Variants in SLIT2 observed in about 807,000 individuals in gnomAD.
The protein encoded by SLIT2 is slit homolog 2 protein.
A neutral mutation model predicts 185.7 loss-of-function variants in SLIT2; 41 were observed. That is an observed-to-expected ratio of 0.22 (90% CI 0.17 to 0.29). SLIT2 has a LOEUF of 0.29. Ranked by LOEUF, SLIT2 falls within the 10% of genes least tolerant of loss-of-function variation. SLIT2 has a pLI of 1.00. For synonymous variants in SLIT2, 693 were observed against 680.2 expected (o/e 1.02, Z -0.29); for missense variants, 1,571 against 1,909.0 (o/e 0.82, Z 3.30).
At chr4:20,486,151 C>A in intron 6 of SLIT2, 49 bp from the exon 7 acceptor site, 3 of 1,103,762 alleles carry the variant, frequency 2.7e-6, no homozygotes, top group South Asian at 2.5e-5. Context: ...ATAAAATGAT[C>A]AATCAATTTT....
chr4:20,375,778 T>C (rs1239859855), intron 4 of SLIT2, among the ~76,000 whole-genome samples: 1 of 152,040 alleles, frequency 6.6e-6, no homozygotes, highest in Non-Finnish European at 1.5e-5. Context: ...TTTTATACTT[T>C]GTAGATGTCT....
At chr4:20,472,524 C>CGATATATCTATATAGA (rs1553908726) in intron 5 of SLIT2, among the ~76,000 whole-genome samples, 1 of 7,750 alleles carries the variant, frequency 1.3e-4, no homozygotes, top group Non-Finnish European at 2.0e-4. Flanking sequence ...AGATATATAT[C>CGATATATCTATATAGA]TATATATAGA....
intron 4 of SLIT2, among the ~76,000 whole-genome samples, chr4:20,459,557 T>C (rs771617846): frequency 1.2e-4 from 18 of 152,184 alleles, no homozygotes; most frequent in Non-Finnish European, 1.5e-4. Context: ...AGGAGATTTA[T>C]GTATGCAGCG....
At chr4:20,437,819 G>A (rs1280671960) in intron 4 of SLIT2, among the ~76,000 whole-genome samples, 1 of 149,570 alleles carries the variant, frequency 6.7e-6, no homozygotes, top group East Asian at 2.0e-4. Flanking sequence ...GGAGGTTGAG[G>A]CAGGAGAATG....
chr4:20,355,458 A>G (rs1264819711), intron 4 of SLIT2, among the ~76,000 whole-genome samples: 1 of 152,208 alleles, frequency 6.6e-6, no homozygotes, highest in Non-Finnish European at 1.5e-5. Flanking sequence ...CATTAGTAGA[A>G]TTCTTTCCAA....
intron 4 of SLIT2, among the ~76,000 whole-genome samples, chr4:20,298,295 G>A (rs1481047458): frequency 1.3e-5 from 2 of 151,942 alleles, no homozygotes; most frequent in African/African-American, 4.8e-5. Flanking sequence ...CTCCTTGTTG[G>A]TCAGGCTGGT....
chr4:20,257,733 T>A (rs1711994842), intron 2 of SLIT2, 135 bp from the exon 3 acceptor site: 1 of 649,778 alleles, frequency 1.5e-6, no homozygotes, highest in Non-Finnish European at 2.8e-6. Flanking sequence ...TTATTAAATT[T>A]GATATTGGAT....
chr4:20,319,595 G>T (rs369232290), intron 4 of SLIT2, among the ~76,000 whole-genome samples: 28 of 152,136 alleles, frequency 1.8e-4, no homozygotes, highest in African/African-American at 6.7e-4. Context: ...TGGCTTTTAA[G>T]TAATTCCAGT....
chr4:20,518,256 T>TATA lies in SLIT2; in HGVS notation c.1059-1126_1059-1125insATA, dbSNP rs200572190. On this transcript the variant is annotated intron_variant, in intron 11 of 36. Transcript: ENST00000504154. The stretch of plus-strand genomic sequence containing the variant: ...GTGTGTGTGTATATATATATATATA[T>TATA]TTTTTTTTTTTTTTGAGACAGAGTC... Among the ~76,000 whole-genome samples the TATA allele has an allele frequency of 5.6e-3, 610 of 109,380 alleles. 16 individuals are homozygous for TATA. Among genetic ancestry groups the TATA allele is most frequent in the East Asian group, 0.02 (76 of 3,828 alleles). 71.8% of individuals were successfully genotyped at this position (109,380 alleles called of 152,430 possible).
At chr4:20,405,960 G>A (rs1726748237) in intron 4 of SLIT2, among the ~76,000 whole-genome samples, 1 of 107,432 alleles carries the variant, frequency 9.3e-6, no homozygotes, top group Non-Finnish European at 2.3e-5. Flanking sequence ...TTAGTAAGAA[G>A]TTGGGCACTG....
intron 1 of SLIT2, among the ~76,000 whole-genome samples, chr4:20,255,830 T>C (rs570207915): frequency 7.2e-5 from 11 of 152,244 alleles, no homozygotes; most frequent in Non-Finnish European, 1.0e-4. Context: ...ATTTCAAACA[T>C]GATGTTGTAG....
intron 4 of SLIT2, among the ~76,000 whole-genome samples, chr4:20,280,833 G>GTTTTTTTTTTTTTT (rs34477780): frequency 7.7e-5 from 10 of 130,648 alleles, no homozygotes; most frequent in African/African-American, 2.7e-4. Flanking sequence ...TTAAAAAAAT[G>GTTTTTTTTTTTTTT]TTTTTTTTTT....
intron 4 of SLIT2, among the ~76,000 whole-genome samples, chr4:20,430,872 T>G (rs866571469): frequency 6.6e-6 from 1 of 152,198 alleles, no homozygotes; most frequent in Admixed American, 6.5e-5. Context: ...AGGCTCTACA[T>G]TGAGATCCAT....
chr4:20,406,574 G>C (rs559753579), intron 4 of SLIT2, among the ~76,000 whole-genome samples: 1 of 143,888 alleles, frequency 6.9e-6, no homozygotes, highest in Admixed American at 7.1e-5. Context: ...TATCCATCAG[G>C]AAAATAATTA....
chr4:20,452,143 T>C (rs369020862), intron 4 of SLIT2, among the ~76,000 whole-genome samples: 24 of 152,338 alleles, frequency 1.6e-4, no homozygotes, highest in Middle Eastern at 3.4e-3. Context: ...AATGTGCATA[T>C]TCAATGGATT....
intron 4 of SLIT2, among the ~76,000 whole-genome samples, chr4:20,372,265 T>A (rs890624942): frequency 6.6e-6 from 1 of 152,034 alleles, no homozygotes; most frequent in African/African-American, 2.4e-5. Flanking sequence ...TACCTGACAT[T>A]AAGTGGTGCA....
At position 20,511,587 on chromosome 4, in the gene SLIT2, A is replaced by ATTTTTTTTTTTTTTTTTTTTTTTT. The variant is rs759622666; in HGVS notation, c.1058+466_1058+467insTTTTTTTTTTTTTTTTTTTTTTTT. 1.9e-4 allele frequency among the ~76,000 whole-genome samples: 16 copies of ATTTTTTTTTTTTTTTTTTTTTTTT among 82,198 alleles called. 1 individual carries two copies. The highest frequency in any genetic ancestry group is 2.2e-4 in the Non-Finnish European group (10 of 45,268). The allele number at this position is 82,198 out of a possible 152,430, so 53.9% of individuals were successfully genotyped here. A position where few individuals can be genotyped will look rare whatever the true frequency, so the allele number is the denominator to read the frequency against. On this transcript the variant is annotated intron_variant, in intron 11 of 36. Coordinates refer to ENST00000504154, the MANE Select transcript of SLIT2 (RefSeq NM_004787.4). ...AGGCGCCTGCCACCACATCCAGCTAATTTTTTTTTTTTTTTTATTTTTGGT... is the reference window on the plus strand; with the variant it reads ...AGGCGCCTGCCACCACATCCAGCTAATTTTTTTTTTTTTTTTTTTTTTTTTTTTTTTTTTTTTTTTATTTTTGGT...
chr4:20,374,366 A>C lies in SLIT2; in HGVS notation c.396-93386A>C, dbSNP rs1398436941. Among the ~76,000 whole-genome samples, 4 of 152,110 alleles carry C rather than the reference A, an allele frequency of 2.6e-5. No homozygotes were observed. In the East Asian group the frequency reaches 7.7e-4, roughly 29 times the overall value. On this transcript the variant is annotated intron_variant, in intron 4 of 36. Coordinates refer to ENST00000504154, the MANE Select transcript of SLIT2 (RefSeq NM_004787.4). ...AGAAGGACTTCTTAATGAATACATG[A>C]AGCAAAATTGTTCTTTAATCTTTTG...
At chr4:20,385,534 C>T (rs73238773) in intron 4 of SLIT2, among the ~76,000 whole-genome samples, 45,632 of 151,992 alleles carry the variant, frequency 0.3, 7,301 homozygotes, top group Non-Finnish European at 0.37. Flanking sequence ...CAGTAAGCAA[C>T]TAATTATACA....
Sources: gnomAD v4.1 joint callset for allele counts (sites outside exome capture counted in the v4.1 genomes callset) on GRCh38, gnomAD v4.1.1 for gene constraint, MANE v1.5 for transcripts, NCBI Gene and HGNC (gene_info 2026-07-23, HGNC 2026-07-21) for gene names.